Variants in PAPPA observed in about 807,000 individuals in gnomAD.
PAPPA encodes pappalysin 1, also known as pappalysin-1.
Under a neutral mutation model 164.0 loss-of-function variants are expected in PAPPA, and 60 were observed. The observed-to-expected ratio is 0.37, with a 90% CI of 0.30 to 0.45. The LOEUF is 0.45. PAPPA is among the 20% of genes least tolerant of loss of function. The probability of loss-of-function intolerance (pLI) is 1.00; values close to 1 mark genes in which losing one functional copy is unlikely to be tolerated. For synonymous variants in PAPPA, 875 were observed against 814.1 expected, an observed-to-expected ratio of 1.07 and a Z score of -1.27; for missense variants, 1,782 against 2,087.3, an observed-to-expected ratio of 0.85 and a Z score of 2.85.
chr9:116,347,153 G>A lies in PAPPA; in HGVS notation c.3908G>A (p.Gly1303Asp). The change falls in exon 15 of 22, where the codon GGC becomes GAC. Residue 1303 changes from glycine (G) to aspartate (D), a missense_variant. Gly to Asp is a moderately conservative substitution (Grantham distance 94, BLOSUM62 -1). Around this residue, in one of 2 missense-constraint regions of PAPPA, gnomAD observed 1,324 missense variants for 1,656.9 expected, o/e 0.80. Transcript: ENST00000328252. The surrounding 1 kb of genome is among the most constrained non-coding windows in gnomAD (Gnocchi z 4.5). ...GCTGCCTCCTTCTCCTGCCCTGAGG[G>A]CACCACCTTTGGCAGTCAATGTTCC... ...VYAASFSCPE[G>D]TTFGSQCSFQ... 1 of 1,614,046 alleles carries A rather than the reference G, an allele frequency of 6.2e-7. No homozygotes were observed. The highest frequency in any genetic ancestry group is 8.5e-7 in the Non-Finnish European group (1 of 1,179,956).
At chr9:116,381,469 G>C (rs1227766667) in intron 20 of PAPPA, among the ~76,000 whole-genome samples, 2 of 152,192 alleles carry the variant, frequency 1.3e-5, no homozygotes, top group Admixed American at 6.5e-5. Context: ...GCTAGCGGTT[G>C]GGATGAGGAA....
At chr9:116,213,624 G>T (rs1196951659) in intron 4 of PAPPA, among the ~76,000 whole-genome samples, 1 of 152,028 alleles carries the variant, frequency 6.6e-6, no homozygotes, top group African/African-American at 2.4e-5. Flanking sequence ...GGCCTCTTAG[G>T]GGCTAGGAGC....
rs202235357 is a variant in PAPPA at position 116,207,430 on chromosome 9, CA to C, written c.1479-25del. ...TGTTATCTTTTTGGGGGCATGATAACAGCCAAGGTTCTTTTTCTGTTTCAGA... is the reference window on the plus strand; with the variant it reads ...TGTTATCTTTTTGGGGGCATGATAACGCCAAGGTTCTTTTTCTGTTTCAGA... On this transcript the variant is annotated intron_variant, in intron 2 of 21. Coordinates refer to ENST00000328252, the MANE Select transcript of PAPPA (RefSeq NM_002581.5). The C allele has an allele frequency of 3.6e-4, 558 of 1,539,914 alleles. 3 individuals are homozygous for C. In the East Asian group the frequency reaches 0.011, roughly 30 times the overall value.
At chr9:116,178,034 G>A (rs1843857790) in intron 1 of PAPPA, among the ~76,000 whole-genome samples, 1 of 152,082 alleles carries the variant, frequency 6.6e-6, no homozygotes, top group South Asian at 2.1e-4. Context: ...TTATGTGTGT[G>A]TTTAACAGCA....
At position 116,187,046 on chromosome 9, in the gene PAPPA, C is replaced by A. The variant is rs533945986; in HGVS notation, c.416-108C>A. The A allele has an allele frequency of 3.8e-6, 3 of 787,110 alleles. No individual in the cohort carries two copies. The highest frequency in any genetic ancestry group is 6.0e-6 in the Non-Finnish European group (3 of 498,656). The allele number at this position is 787,110 out of a possible 1,614,324, so 48.8% of individuals were successfully genotyped here. ...AGGATCCCACAGAGCAGTTGGAAAG[C>A]GATGAGTCTAGGATAACCTGATACA... On this transcript the variant is annotated intron_variant, in intron 1 of 21. Coordinates refer to ENST00000328252, the MANE Select transcript of PAPPA (RefSeq NM_002581.5). The surrounding 1 kb of genome is among the most constrained non-coding windows in gnomAD (Gnocchi z 4.2).
At chr9:116,192,424 A>G (rs766680942) in intron 2 of PAPPA, among the ~76,000 whole-genome samples, 1 of 152,212 alleles carries the variant, frequency 6.6e-6, no homozygotes, top group African/African-American at 2.4e-5. Flanking sequence ...GAAAACTTTA[A>G]TGTTAGGCTT....
At chr9:116,394,202 G>A (rs1420522925) in intron 21 of PAPPA, among the ~76,000 whole-genome samples, 1 of 152,044 alleles carries the variant, frequency 6.6e-6, no homozygotes, top group African/African-American at 2.4e-5. Context: ...GGGCGGTGGG[G>A]GACAATAGGC....
At chr9:116,236,064 G>T (rs1201666069) in intron 7 of PAPPA, among the ~76,000 whole-genome samples, 1 of 152,090 alleles carries the variant, frequency 6.6e-6, no homozygotes, top group East Asian at 1.9e-4. Flanking sequence ...GGTGAATCGG[G>T]GGTGAAGTTA....
At chr9:116,198,750 A>C (rs1416020710) in intron 2 of PAPPA, among the ~76,000 whole-genome samples, 1 of 152,186 alleles carries the variant, frequency 6.6e-6, no homozygotes, top group Admixed American at 6.5e-5. Context: ...AACAATCTCT[A>C]AAATTATTTT....
Position 116,396,630 on chromosome 9 carries a change from G to T in PAPPA, c.*14G>T, listed in dbSNP as rs1802818. The T allele has an allele frequency of 1.3e-6, 1 of 779,470 alleles. No homozygotes were observed. The highest frequency in any genetic ancestry group is 2.4e-6 in the Non-Finnish European group (1 of 417,382). 48.3% of individuals were successfully genotyped at this position (779,470 alleles called of 1,614,324 possible). ...AGCCATGGCTAAGGAAGGACAAGAA[G>T]TTGTCAAAGAATTCCCAACGCCAGG... On this transcript the variant is annotated 3_prime_UTR_variant, in exon 22 of 22. Transcript: ENST00000328252.
chr9:116,231,093 A>T (rs1417961471), intron 6 of PAPPA, among the ~76,000 whole-genome samples: 1 of 152,154 alleles, frequency 6.6e-6, no homozygotes, highest in Non-Finnish European at 1.5e-5. Context: ...ATATAGATAT[A>T]TAACGGGTGC....
At position 116,288,689 on chromosome 9, in the gene PAPPA, T is replaced by G. The variant is rs1012578657; in HGVS notation, c.2954-14068T>G. 6.6e-5 allele frequency: 10 copies of G among 152,098 alleles called. 1 individual carries two copies. The South Asian group carries it at 1.9e-3, about 28-fold the overall frequency. 9.4% of individuals were successfully genotyped at this position (152,098 alleles called of 1,614,324 possible). A position where few individuals can be genotyped will look rare whatever the true frequency, so the allele number is the denominator to read the frequency against. On this transcript the variant is annotated intron_variant, in intron 9 of 21. Coordinates refer to ENST00000328252, the MANE Select transcript of PAPPA (RefSeq NM_002581.5). ...AAGAAAACTTACCCAAGAGCAATCTTGTGCACTGTCTCTCTTCTGTTCTGT... is the reference window on the plus strand; with the variant it reads ...AAGAAAACTTACCCAAGAGCAATCTGGTGCACTGTCTCTCTTCTGTTCTGT...
At chr9:116,245,790 CT>C (rs1844790307) in intron 7 of PAPPA, among the ~76,000 whole-genome samples, 1 of 152,162 alleles carries the variant, frequency 6.6e-6, no homozygotes, top group African/African-American at 2.4e-5. Context: ...GCTAAGAAGG[CT>C]GTTAAACACG....
chr9:116,355,370 T>G (rs540912306), intron 17 of PAPPA, among the ~76,000 whole-genome samples: 2 of 152,360 alleles, frequency 1.3e-5, no homozygotes, highest in Admixed American at 6.5e-5. Flanking sequence ...GTGACACAGC[T>G]GGCATCGGCT....
At chr9:116,281,443 A>G (rs967283048) in intron 9 of PAPPA, among the ~76,000 whole-genome samples, 1 of 152,140 alleles carries the variant, frequency 6.6e-6, no homozygotes, top group Non-Finnish European at 1.5e-5. Flanking sequence ...AAGCCTTGCC[A>G]TCTACCCTCG....
intron 8 of PAPPA, among the ~76,000 whole-genome samples, chr9:116,269,420 A>G (rs1845112215): frequency 6.6e-6 from 1 of 152,180 alleles, no homozygotes; most frequent in Non-Finnish European, 1.5e-5. Flanking sequence ...GCACTGTGCC[A>G]GAAACTGGGG....
chr9:116,194,452 G>T (rs1844080060), intron 2 of PAPPA, among the ~76,000 whole-genome samples: 1 of 152,164 alleles, frequency 6.6e-6, no homozygotes, highest in African/African-American at 2.4e-5. Flanking sequence ...TTTATAATCA[G>T]AATATCAGGG....
chr9:116,324,385 G>C (rs1845896702), intron 10 of PAPPA, among the ~76,000 whole-genome samples: 1 of 152,136 alleles, frequency 6.6e-6, no homozygotes, highest in Non-Finnish European at 1.5e-5. Context: ...TTAAAACAGT[G>C]CCCAGCATAG....
chr9:116,296,233 C>G (rs999702832), intron 9 of PAPPA, among the ~76,000 whole-genome samples: 1 of 152,132 alleles, frequency 6.6e-6, no homozygotes, highest in Non-Finnish European at 1.5e-5. Context: ...TAAGAAGGTG[C>G]CTCTGTTTTG....
Sources: gnomAD v4.1 joint callset for allele counts (sites outside exome capture counted in the v4.1 genomes callset) on GRCh38, gnomAD v4.1.1 for gene constraint, gnomAD v4.1.1 regional missense constraint, Gnocchi (gnomAD v3.1) non-coding constraint, MANE v1.5 for transcripts, NCBI Gene and HGNC (gene_info 2026-07-23, HGNC 2026-07-21) for gene names.